Variants in GPR176 observed in about 807,000 individuals in gnomAD.
GPR176 encodes G protein-coupled receptor 176.
Under a neutral mutation model 35.4 loss-of-function variants are expected in GPR176, and 26 were observed. The observed-to-expected ratio is 0.74, with a 90% CI of 0.54 to 1.02. The LOEUF is 1.02. Among genes scored for constraint, GPR176 ranks in the 50% least tolerant of loss-of-function variants. GPR176 has a pLI of 0.00. For missense variants in GPR176, 597 were observed against 665.3 expected, an observed-to-expected ratio of 0.90 and a Z score of 1.13; for synonymous variants, 278 against 271.3, an observed-to-expected ratio of 1.02 and a Z score of -0.24.
intron 1 of GPR176, among the ~76,000 whole-genome samples, chr15:39,848,718 C>T (rs142674314): frequency 1.1e-3 from 172 of 151,680 alleles, no homozygotes; most frequent in African/African-American, 3.9e-3. Flanking sequence ...ATTATTCATG[C>T]GCTGAAAAGG....
intron 1 of GPR176, among the ~76,000 whole-genome samples, chr15:39,892,202 A>G (rs1455028702): frequency 2.0e-5 from 3 of 152,194 alleles, no homozygotes; most frequent in South Asian, 4.1e-4. Flanking sequence ...TGACAGCACA[A>G]AGAGAGAAAA....
chr15:39,805,621 G>C (rs757459736), intron 2 of GPR176, among the ~76,000 whole-genome samples: 22 of 152,248 alleles, frequency 1.4e-4, no homozygotes, highest in Middle Eastern at 6.8e-3. Flanking sequence ...TGCTTGACTT[G>C]TCACCTGCCT....
intron 1 of GPR176, among the ~76,000 whole-genome samples, chr15:39,814,390 CCT>C (rs746941012): frequency 2.6e-5 from 4 of 152,102 alleles, no homozygotes; most frequent in East Asian, 1.9e-4. Flanking sequence ...CATATCATCC[CCT>C]CTTTTATTTA....
intron 1 of GPR176, among the ~76,000 whole-genome samples, chr15:39,823,945 G>A (rs1369274264): frequency 6.6e-6 from 1 of 152,170 alleles, no homozygotes; most frequent in Non-Finnish European, 1.5e-5. Context: ...TTGGATGCAT[G>A]TCCTCTCCAA....
chr15:39,906,263 G>C (rs550205692), intron 1 of GPR176, among the ~76,000 whole-genome samples: 1 of 152,144 alleles, frequency 6.6e-6, no homozygotes, highest in East Asian at 1.9e-4. Flanking sequence ...ATATTCTATT[G>C]TTTTCAGCCC....
intron 1 of GPR176, among the ~76,000 whole-genome samples, chr15:39,828,396 C>T (rs1595457525): frequency 6.6e-6 from 1 of 152,174 alleles, no homozygotes; most frequent in South Asian, 2.1e-4. Flanking sequence ...CGTGGAGGGG[C>T]TGATGGGGCA....
chr15:39,903,366 G>A (rs542505555), intron 1 of GPR176, among the ~76,000 whole-genome samples: 5 of 152,264 alleles, frequency 3.3e-5, no homozygotes, highest in South Asian at 4.1e-4. Context: ...GATGCAGTAC[G>A]TTTTAAAAAG....
intron 1 of GPR176, among the ~76,000 whole-genome samples, chr15:39,896,683 G>A (rs1396278970): frequency 6.6e-6 from 1 of 152,180 alleles, no homozygotes; most frequent in Non-Finnish European, 1.5e-5. Flanking sequence ...CTCAGAGCTG[G>A]CTGATTCCAA....
Position 39,801,715 on chromosome 15 carries a change from G to T in GPR176, c.965C>A (p.Thr322Asn), listed in dbSNP as rs1198563874. Residue 322 changes from threonine to asparagine, a missense_variant, in exon 3 of 3, where the codon ACT becomes AAT. By Grantham distance (65) the Thr-to-Asn change is moderately conservative. Coordinates refer to ENST00000561100, the MANE Select transcript of GPR176 (RefSeq NM_007223.3). ...GCACTTGCGGACAGATTTGTTCACA[G>T]TAAGAAAGAGAACAGGGTTTGCCAG... ...SLLANPVLFL[T>N]VNKSVRKCLI... 1.9e-6 allele frequency: 3 copies of T among 1,613,118 alleles called. No homozygotes were observed. Among genetic ancestry groups the T allele is most frequent in the Non-Finnish European group, 2.5e-6 (3 of 1,179,164 alleles).
intron 1 of GPR176, among the ~76,000 whole-genome samples, chr15:39,868,229 G>A (rs754806980): frequency 2.6e-5 from 4 of 152,172 alleles, no homozygotes; most frequent in Non-Finnish European, 5.9e-5. Flanking sequence ...CCACAAATGG[G>A]TTTCTCCAGG....
chr15:39,880,609 T>C (rs186537205), intron 1 of GPR176, among the ~76,000 whole-genome samples: 1 of 152,240 alleles, frequency 6.6e-6, no homozygotes, highest in East Asian at 1.9e-4. Context: ...GTCTCCTATA[T>C]ACCTTATTTT....
chr15:39,801,642 AT>A lies in GPR176; in HGVS notation c.1037del (p.Asn346MetfsTer80), dbSNP rs1898869975. The A allele has an allele frequency of 1.2e-6, 2 of 1,614,108 alleles. No individual in the cohort carries two copies. The highest frequency in any genetic ancestry group is 4.5e-5 in the East Asian group (2 of 44,882). On this transcript the variant is annotated frameshift_variant, in exon 3 of 3. Coordinates refer to ENST00000561100, the MANE Select transcript of GPR176 (RefSeq NM_007223.3). LOFTEE classifies it high-confidence loss of function. Reference protein sequence around the residue: ...VQLHHRYSRRNVVSTGSGMAE... With the variant: ...VQLHHRYSRRXVVSTGSGMAE... The stretch of plus-strand genomic sequence containing the variant: ...CCATGCCACTCCCTGTACTGACCAC[AT>A]TACGGCGACTGTACCGGTGGTGTAG...
intron 1 of GPR176, among the ~76,000 whole-genome samples, chr15:39,851,781 T>C (rs924706807): frequency 6.6e-6 from 1 of 152,182 alleles, no homozygotes; most frequent in Admixed American, 6.5e-5. Context: ...TCCCAACATA[T>C]ATTTTAGCAC....
At chr15:39,876,468 G>A (rs2032250355) in intron 1 of GPR176, among the ~76,000 whole-genome samples, 1 of 151,900 alleles carries the variant, frequency 6.6e-6, no homozygotes, top group African/African-American at 2.4e-5. Flanking sequence ...AGATCAGTAT[G>A]AGCTGCAATT....
intron 1 of GPR176, among the ~76,000 whole-genome samples, chr15:39,882,489 G>A (rs1252280830): frequency 6.6e-6 from 1 of 152,216 alleles, no homozygotes; most frequent in Non-Finnish European, 1.5e-5. Flanking sequence ...ATCTACGGAA[G>A]AGACTTTTCA....
intron 1 of GPR176, among the ~76,000 whole-genome samples, chr15:39,914,040 A>G (rs937214): frequency 1 from 152,173 of 152,242 alleles, 76,052 homozygotes; most frequent in Middle Eastern, 1. Context: ...AGTGAGACTC[A>G]GTCTCAAAAA....
At position 39,817,068 on chromosome 15, in the gene GPR176, C is replaced by CAAAAAAAAAAAAAAAAA. The variant is rs58812005; in HGVS notation, c.173-9811_173-9810insTTTTTTTTTTTTTTTTT. 2.9e-3 allele frequency among the ~76,000 whole-genome samples: 226 copies of CAAAAAAAAAAAAAAAAA among 77,232 alleles called. 15 individuals are homozygous for CAAAAAAAAAAAAAAAAA. The highest frequency in any genetic ancestry group is 4.4e-3 in the Non-Finnish European group (190 of 43,254). The allele number at this position is 77,232 out of a possible 152,430, so 50.7% of individuals were successfully genotyped here. ...TTGGTAACAGAGCAGGATTCTGTCT[C>CAAAAAAAAAAAAAAAAA]AAAAAAAAAAAAAAAGCTTTGAAAA... On this transcript the variant is annotated intron_variant, in intron 1 of 2. Coordinates refer to ENST00000561100, the MANE Select transcript of GPR176 (RefSeq NM_007223.3).
chr15:39,830,412 G>C (rs1371911839), intron 1 of GPR176, among the ~76,000 whole-genome samples: 1 of 152,148 alleles, frequency 6.6e-6, no homozygotes, highest in Non-Finnish European at 1.5e-5. Flanking sequence ...GGACCCAATG[G>C]GCTGGAGTGG....
At chr15:39,869,019 AT>A (rs1337763472) in intron 1 of GPR176, among the ~76,000 whole-genome samples, 3 of 149,332 alleles carry the variant, frequency 2.0e-5, no homozygotes, top group South Asian at 4.3e-4. Flanking sequence ...AAAAAAAAAA[AT>A]TCCCCCAAAT....
Sources: gnomAD v4.1 joint callset for allele counts (sites outside exome capture counted in the v4.1 genomes callset) on GRCh38, gnomAD v4.1.1 for gene constraint, MANE v1.5 for transcripts, NCBI Gene and HGNC (gene_info 2026-07-23, HGNC 2026-07-21) for gene names.